The following TCF4 variants were observed in gnomAD, a reference collection of about 807,000 sequenced individuals.
TCF4 encodes SL3-3 enhancer factor 2.
A neutral mutation model predicts 82.1 loss-of-function variants in TCF4; 3 were observed. The ratio of observed to expected loss-of-function variants is 0.04; its 90% CI spans 0.02 to 0.09. TCF4 has a LOEUF of 0.09. Among genes scored for constraint, TCF4 ranks in the 10% least tolerant of loss-of-function variants. The probability of loss-of-function intolerance (pLI) is 1.00; values close to 1 mark genes in which losing one functional copy is unlikely to be tolerated. For missense variants in TCF4, 518 were observed against 852.7 expected (o/e 0.61, Z 4.89); for synonymous variants, 276 against 309.6 (o/e 0.89, Z 1.14).
At chr18:55,606,185 A>T (rs1367243901) in intron 2 of TCF4, among the ~76,000 whole-genome samples, 2 of 152,150 alleles carry the variant, frequency 1.3e-5, no homozygotes, top group Non-Finnish European at 2.9e-5. Context: ...CTATTTGAAT[A>T]AGTAGTTGCT....
chr18:55,277,554 G>T (rs1352706090), intron 9 of TCF4, among the ~76,000 whole-genome samples: 1 of 150,370 alleles, frequency 6.7e-6, no homozygotes, highest in Non-Finnish European at 1.5e-5. Flanking sequence ...AGAAAGAATA[G>T]AATTAGATGT....
chr18:55,242,133 C>G (rs972199891), intron 15 of TCF4, among the ~76,000 whole-genome samples: 3 of 152,218 alleles, frequency 2.0e-5, no homozygotes, highest in African/African-American at 7.2e-5. Context: ...CACAGATCCC[C>G]TCACTCTCTG....
chr18:55,275,275 G>GGAAAAAAAA (rs1555795909), intron 10 of TCF4, among the ~76,000 whole-genome samples: 1 of 71,376 alleles, frequency 1.4e-5, no homozygotes, highest in Non-Finnish European at 2.7e-5. Flanking sequence ...ACTACAGATA[G>GGAAAAAAAA]AAAAAAAAAA....
intron 16 of TCF4, chr18:55,234,298 GTC>G: frequency 1.7e-6 from 1 of 603,430 alleles, no homozygotes; most frequent in East Asian, 2.8e-5. Context: ...CCTCTCATCA[GTC>G]TGTGGCCTCA....
At chr18:55,318,218 C>T (rs1173677388) in intron 8 of TCF4, among the ~76,000 whole-genome samples, 1 of 152,034 alleles carries the variant, frequency 6.6e-6, no homozygotes, top group Non-Finnish European at 1.5e-5. Context: ...CAAATAATCA[C>T]TTATTAAAAT....
At chr18:55,481,090 C>A in intron 3 of TCF4, among the ~76,000 whole-genome samples, 1 of 104,904 alleles carries the variant, frequency 9.5e-6, no homozygotes, top group African/African-American at 3.9e-5. Context: ...GGCAACAGAG[C>A]AAGACTCCAT....
chr18:55,354,270 A>G (rs1190994883), intron 6 of TCF4, among the ~76,000 whole-genome samples: 1 of 152,192 alleles, frequency 6.6e-6, no homozygotes, highest in Non-Finnish European at 1.5e-5. Context: ...GGCCATTCCT[A>G]ACTTGGCCAT....
At position 55,495,014 on chromosome 18, in the gene TCF4, T is replaced by C. The variant is rs573570480; in HGVS notation, c.146-30877A>G. On this transcript the variant is annotated intron_variant, in intron 3 of 19. Coordinates refer to ENST00000354452, the MANE Select transcript of TCF4 (RefSeq NM_001083962.2). ...CACAAAGAAACACAGCTCAAAGAAG[T>C]GGGAGTCTTTACTCTCTTTTAAAAG... 1.5e-4 allele frequency among the ~76,000 whole-genome samples: 23 copies of C among 150,106 alleles called. No individual in the cohort carries two copies. In the South Asian group the frequency reaches 4.9e-3, roughly 32 times the overall value.
chr18:55,507,144 T>C (rs1040896163), intron 3 of TCF4, among the ~76,000 whole-genome samples: 17 of 152,218 alleles, frequency 1.1e-4, no homozygotes, highest in African/African-American at 4.1e-4. Flanking sequence ...ATTACAGGCA[T>C]GAGCCACCAG....
chr18:55,229,320 T>C lies in TCF4; in HGVS notation c.1650-244A>G, dbSNP rs1184912870. On this transcript the variant is annotated intron_variant, in intron 17 of 19. Coordinates refer to ENST00000354452, the MANE Select transcript of TCF4 (RefSeq NM_001083962.2). ...ACCAAACAGGTGAGGGTGACGTAGA[T>C]TAAAGTTAGAGTGCAGGGTGTGCCC... 5.6e-6 allele frequency: 3 copies of C among 537,796 alleles called. No homozygotes were observed. In the East Asian group the frequency reaches 1.0e-4, roughly 18 times the overall value. The allele number at this position is 537,796 out of a possible 1,614,324, so 33.3% of individuals were successfully genotyped here. A position where few individuals can be genotyped will look rare whatever the true frequency, so the allele number is the denominator to read the frequency against.
At chr18:55,511,076 C>A (rs2096823048) in intron 3 of TCF4, among the ~76,000 whole-genome samples, 1 of 152,086 alleles carries the variant, frequency 6.6e-6, no homozygotes. Context: ...AGCTGGCAAA[C>A]TGTCGTCATT....
intron 8 of TCF4, among the ~76,000 whole-genome samples, chr18:55,319,130 AAC>A (rs1602480091): frequency 6.6e-6 from 1 of 152,218 alleles, no homozygotes; most frequent in Non-Finnish European, 1.5e-5. Context: ...TTCAGGTTCA[AAC>A]ACACATTGGT....
intron 5 of TCF4, among the ~76,000 whole-genome samples, chr18:55,419,543 A>T (rs1170952976): frequency 6.6e-6 from 1 of 152,200 alleles, no homozygotes; most frequent in African/African-American, 2.4e-5. Context: ...TTATTATCTT[A>T]TAGGGTTTTT....
intron 3 of TCF4, chr18:55,550,348 A>G (rs993943599): frequency 6.6e-6 from 1 of 152,208 alleles, no homozygotes; most frequent in Non-Finnish European, 1.5e-5. Context: ...TTTATATTAC[A>G]TTTAGTATAA....
intron 2 of TCF4, among the ~76,000 whole-genome samples, chr18:55,630,813 T>G (rs1316135515): frequency 6.6e-6 from 1 of 152,150 alleles, no homozygotes; most frequent in Non-Finnish European, 1.5e-5. Context: ...TTGGAGGAAT[T>G]TGACTTGTTT....
chr18:55,612,660 G>A (rs1015402292), intron 2 of TCF4, among the ~76,000 whole-genome samples: 2 of 151,864 alleles, frequency 1.3e-5, no homozygotes, highest in African/African-American at 2.4e-5. Flanking sequence ...GTGCAGTTTC[G>A]ATACAAGAAT....
At chr18:55,342,332 G>A (rs1424608389) in intron 8 of TCF4, among the ~76,000 whole-genome samples, 1 of 151,888 alleles carries the variant, frequency 6.6e-6, no homozygotes, top group Non-Finnish European at 1.5e-5. Flanking sequence ...GATTATATGT[G>A]CCAATGTCTT....
At chr18:55,383,687 G>A (rs925266579) in intron 6 of TCF4, among the ~76,000 whole-genome samples, 5 of 152,206 alleles carry the variant, frequency 3.3e-5, no homozygotes, top group Non-Finnish European at 5.9e-5. Flanking sequence ...ACGTTACTAC[G>A]GGGTTGGCCA....
intron 3 of TCF4, among the ~76,000 whole-genome samples, chr18:55,470,373 G>A (rs547098149): frequency 2.6e-5 from 4 of 152,208 alleles, no homozygotes; most frequent in South Asian, 2.1e-4. Context: ...CACCCAAAAC[G>A]TTTAGGTTAA....
Sources: allele counts gnomAD v4.1 joint callset (sites outside exome capture counted in the v4.1 genomes callset), GRCh38; gene constraint gnomAD v4.1.1; transcripts MANE v1.5; gene names NCBI Gene and HGNC (gene_info 2026-07-23, HGNC 2026-07-21).